The following DDIAS variants were observed in gnomAD, a reference collection of about 807,000 sequenced individuals.
DDIAS encodes DNA damage-induced apoptosis suppressor protein.
Under a neutral mutation model 15.7 loss-of-function variants are expected in DDIAS, and 14 were observed. The observed-to-expected ratio is 0.89, with a 90% CI of 0.59 to 1.39. DDIAS has a LOEUF of 1.39. DDIAS is among the 40% of genes most tolerant of loss of function. The pLI is 0.00. For synonymous variants in DDIAS, 355 were observed against 395.9 expected (o/e 0.90, Z 1.23); for missense variants, 1,035 against 1,130.9 (o/e 0.92, Z 1.22).
rs559479124 is a variant in DDIAS, at chr11:82,934,142, A to G, written c.2804A>G (p.His935Arg). The G allele has an allele frequency of 4.3e-6, 7 of 1,611,284 alleles. No individual in the cohort carries two copies. In the African/African-American group the frequency reaches 8.0e-5, roughly 18 times the overall value. Residue 935 changes from histidine (H) to arginine (R), a missense_variant, in exon 6 of 6, where the codon CAT becomes CGT. Physicochemically the swap from His to Arg is conservative, Grantham distance 29 (BLOSUM62 0). Transcript: ENST00000533655. ...GCAGTTGTTACGAAAAAGAAAACTC[A>G]TAAATATAACTGTAAAAGTTCAGGC... ...LAAVVTKKKT[H>R]KYNCKSSGWI...
chr11:82,925,039 G>A (rs1445008624), intron 3 of DDIAS, among the ~76,000 whole-genome samples: 1 of 152,064 alleles, frequency 6.6e-6, no homozygotes, highest in African/African-American at 2.4e-5. Flanking sequence ...TACATAACAC[G>A]TACTATCACA....
rs754692405 is a variant in DDIAS at position 82,933,917 on chromosome 11, A to G, written c.2579A>G (p.Asp860Gly). 6 of 1,613,344 alleles carry G rather than the reference A, an allele frequency of 3.7e-6. No individual in the cohort carries two copies. Among genetic ancestry groups the G allele is most frequent in the Non-Finnish European group, 5.1e-6 (6 of 1,179,840 alleles). The change falls in exon 6 of 6, where the codon GAT becomes GGT. Residue 860 changes from aspartate (D) to glycine (G), a missense_variant. By Grantham distance (94) the Asp-to-Gly change is moderately conservative. Transcript: ENST00000533655. ...HYPFAECHET[D>G]SDEWVPPTTQ... ...CCTTTTGCTGAGTGCCATGAAACTG[A>G]TAGTGATGAATGGGTCCCTCCTACC...
intron 1 of DDIAS, among the ~76,000 whole-genome samples, chr11:82,903,026 C>T (rs112935883): frequency 1.3e-5 from 2 of 152,208 alleles, no homozygotes; most frequent in African/African-American, 4.8e-5. Context: ...TCCAACCATG[C>T]AAAAGAGGGA....
At chr11:82,918,737 G>C (rs536654289) in intron 3 of DDIAS, among the ~76,000 whole-genome samples, 1 of 152,218 alleles carries the variant, frequency 6.6e-6, no homozygotes, top group East Asian at 1.9e-4. Context: ...TGTTGTCTAT[G>C]ATTTCTTTCA....
intron 4 of DDIAS, among the ~76,000 whole-genome samples, chr11:82,929,520 G>A (rs944250149): frequency 3.9e-5 from 6 of 151,998 alleles, no homozygotes; most frequent in Non-Finnish European, 7.4e-5. Context: ...TGGCTAACAC[G>A]GTGAAACCCC....
At position 82,914,818 on chromosome 11, in the gene DDIAS, A is replaced by G. The variant is rs555798954; in HGVS notation, c.80A>G (p.Lys27Arg). 6.2e-7 allele frequency: 1 copy of G among 1,603,986 alleles called. No homozygotes were observed. The highest frequency in any genetic ancestry group is 2.2e-5 in the East Asian group (1 of 44,668). Residue 27 changes from lysine (K) to arginine (R), a missense_variant, in exon 3 of 6, where the codon AAG (lysine) becomes AGG (arginine). Physicochemically the swap from Lys to Arg is conservative, Grantham distance 26. Transcript: ENST00000533655. Reference protein sequence around the residue: ...NSSFIYPSCQKCFSRIILVSK... With the variant: ...NSSFIYPSCQRCFSRIILVSK... The stretch of plus-strand genomic sequence containing the variant: ...AGTTTTATATATCCATCATGTCAGA[A>G]GTGCTTCTCTAGGATAATCCTGGTC...
intron 1 of DDIAS, among the ~76,000 whole-genome samples, chr11:82,911,177 G>C (rs919549429): frequency 1.3e-5 from 2 of 152,186 alleles, no homozygotes; most frequent in African/African-American, 4.8e-5. Flanking sequence ...GTTGCTGAAG[G>C]TTGGGGTTGC....
At chr11:82,913,966 T>A (rs627570) in intron 2 of DDIAS, 1 of 440,296 alleles carries the variant, frequency 2.3e-6, no homozygotes, top group African/African-American at 2.1e-5. Flanking sequence ...GATGGAGTTT[T>A]GCTCTTGTTG....
intron 3 of DDIAS, among the ~76,000 whole-genome samples, chr11:82,925,257 C>T (rs1178362467): frequency 4.6e-5 from 7 of 151,822 alleles, no homozygotes; most frequent in African/African-American, 1.5e-4. Context: ...TTTTTGATTT[C>T]TCAGTTTTAA....
rs886582247 is a variant in DDIAS, at chr11:82,925,804, C to T, written c.114-2973C>T. Among the ~76,000 whole-genome samples, 19 of 151,942 alleles carry T rather than the reference C, an allele frequency of 1.3e-4. No individual in the cohort carries two copies. The Middle Eastern group carries it at 0.01, about 82-fold the overall frequency. On this transcript the variant is annotated intron_variant, in intron 3 of 5. Transcript: ENST00000533655. ...GAGATCGAGACCATCCTGGCTAACA[C>T]GGTGAAACCCTGCCTCTACTAAAAA...
At chr11:82,909,777 T>C (rs997217365) in intron 1 of DDIAS, among the ~76,000 whole-genome samples, 1 of 152,172 alleles carries the variant, frequency 6.6e-6, no homozygotes, top group African/African-American at 2.4e-5. Flanking sequence ...CTTACTAATG[T>C]ATATATAAGA....
rs199952861 is a variant in DDIAS at position 82,932,801 on chromosome 11, C to G, written c.1463C>G (p.Ala488Gly). ...ALRSSQVIVKANCSKDDFLFN... is the reference protein window; with the variant it reads ...ALRSSQVIVKGNCSKDDFLFN... ...AGATCATCACAAGTAATAGTCAAAG[C>G]AAACTGTAGCAAAGATGACTTCCTT... Residue 488 changes from alanine (A) to glycine (G), a missense_variant, in exon 6 of 6, where the codon GCA (alanine) becomes GGA (glycine). Transcript: ENST00000533655. 92 of 1,613,680 alleles carry G rather than the reference C, an allele frequency of 5.7e-5. No homozygotes were observed. In the East Asian group the frequency reaches 2.0e-3, roughly 35 times the overall value.
At position 82,932,341 on chromosome 11, in the gene DDIAS, A is replaced by C. The variant is rs759623904; in HGVS notation, c.1003A>C (p.Asn335His). ...CAGCAGTCATCATGAAATTGGAGTT[A>C]ATGACTCTAATTTATTCTCTTTGGA... ...VHSSHHEIGV[N>H]DSNLFSLEMR... Residue 335 changes from asparagine (N) to histidine (H), a missense_variant, in exon 6 of 6, where the codon AAT becomes CAT. Asn to His is a moderately conservative substitution (Grantham distance 68). Coordinates refer to ENST00000533655, the MANE Select transcript of DDIAS (RefSeq NM_145018.4). 9.9e-6 allele frequency: 16 copies of C among 1,614,030 alleles called. No individual in the cohort carries two copies. The highest frequency in any genetic ancestry group is 1.7e-5 in the Admixed American group (1 of 60,016).
At chr11:82,927,135 AT>A (rs1460380904) in intron 3 of DDIAS, among the ~76,000 whole-genome samples, 3 of 152,218 alleles carry the variant, frequency 2.0e-5, no homozygotes, top group African/African-American at 4.8e-5. Flanking sequence ...TGTTGAAAAC[AT>A]TTGTAAACTG....
chr11:82,902,428 A>G (rs767984782), intron 1 of DDIAS, among the ~76,000 whole-genome samples: 6 of 151,054 alleles, frequency 4.0e-5, no homozygotes, highest in Non-Finnish European at 7.4e-5. Flanking sequence ...CCTGCTTTCA[A>G]TCTTGCTACC....
At chr11:82,914,894 C>A in intron 3 of DDIAS, 43 bp downstream of exon 3, 1 of 1,306,250 alleles carries the variant, frequency 7.7e-7, no homozygotes, top group South Asian at 1.3e-5. Flanking sequence ...AATACAAATG[C>A]ACACTGTAGA....
At chr11:82,906,503 C>A (rs999892326) in intron 1 of DDIAS, among the ~76,000 whole-genome samples, 3 of 152,144 alleles carry the variant, frequency 2.0e-5, no homozygotes, top group Non-Finnish European at 4.4e-5. Context: ...AGTGAGTTGT[C>A]TGCCCAATTA....
intron 3 of DDIAS, 31 bp from the exon 4 acceptor site, chr11:82,928,746 A>G (rs777489155): frequency 1.9e-6 from 3 of 1,604,088 alleles, no homozygotes; most frequent in Non-Finnish European, 2.6e-6. Flanking sequence ...TTTAATGAAC[A>G]TCTCCACACT....
At chr11:82,910,600 CTCTCTCTTTTT>C (rs1860512394) in intron 1 of DDIAS, among the ~76,000 whole-genome samples, 1 of 122,368 alleles carries the variant, frequency 8.2e-6, no homozygotes, top group Admixed American at 9.5e-5. Context: ...TTTTCTCTCT[CTCTCTCTTTTT>C]TTTTTTTTTT....
Sources: allele counts gnomAD v4.1 joint callset (sites outside exome capture counted in the v4.1 genomes callset), GRCh38; gene constraint gnomAD v4.1.1; transcripts MANE v1.5; gene names NCBI Gene and HGNC (gene_info 2026-07-23, HGNC 2026-07-21).